ZDHHC14: variants seen among roughly 807,000 people sequenced by gnomAD.
ZDHHC14 encodes the protein zDHHC palmitoyltransferase 14.
In ZDHHC14, 16 loss-of-function variants were observed where a neutral mutation model predicts 47.7. The observed-to-expected ratio is 0.34, with a 90% CI of 0.23 to 0.51. The LOEUF (loss-of-function observed/expected upper bound fraction) is 0.51, where lower values mean the gene tolerates loss of function less well. ZDHHC14 is among the 20% of genes least tolerant of loss of function. The pLI is 0.97. For synonymous variants in ZDHHC14, 293 were observed against 278.9 expected (o/e 1.05, Z -0.50); for missense variants, 515 against 662.5 (o/e 0.78, Z 2.44).
rs541053476 is a variant in ZDHHC14 at position 157,455,611 on chromosome 6, G to A, written c.245+73345G>A. Among the ~76,000 whole-genome samples the A allele has an allele frequency of 3.3e-5, 5 of 152,300 alleles. No homozygotes were observed. The South Asian group carries it at 6.2e-4, about 19-fold the overall frequency. ...ATCCTGGAGTTACAGTGAGCTGGGGGTCCTGTTGAGGGGCTGGTTAGAGCC... is the reference window on the plus strand; with the variant it reads ...ATCCTGGAGTTACAGTGAGCTGGGGATCCTGTTGAGGGGCTGGTTAGAGCC... On this transcript the variant is annotated intron_variant, in intron 1 of 8. Transcript: ENST00000359775.
intron 8 of ZDHHC14, among the ~76,000 whole-genome samples, chr6:157,669,029 C>G (rs980539685): frequency 1.3e-5 from 2 of 152,164 alleles, no homozygotes; most frequent in African/African-American, 4.8e-5. Flanking sequence ...AGTAAAGGAG[C>G]CTGAAGCATC....
intron 5 of ZDHHC14, 38 bp from the exon 6 acceptor site, chr6:157,645,699 G>A (rs142485093): frequency 2.1e-5 from 32 of 1,559,838 alleles, no homozygotes; most frequent in Admixed American, 1.2e-4. Context: ...CTTCTTGCGC[G>A]GTCCCTCACT....
chr6:157,404,132 G>A (rs1305588176), intron 1 of ZDHHC14, among the ~76,000 whole-genome samples: 1 of 152,134 alleles, frequency 6.6e-6, no homozygotes, highest in South Asian at 2.1e-4. Context: ...ATGGAAAGTG[G>A]CTTTCTATTT....
chr6:157,512,900 G>A (rs1476050258), intron 1 of ZDHHC14, among the ~76,000 whole-genome samples: 3 of 152,058 alleles, frequency 2.0e-5, no homozygotes, highest in Non-Finnish European at 2.9e-5. Flanking sequence ...CTAACCTCAG[G>A]AAAAGCATGT....
At chr6:157,484,898 G>A (rs760383527) in intron 1 of ZDHHC14, among the ~76,000 whole-genome samples, 9 of 151,972 alleles carry the variant, frequency 5.9e-5, no homozygotes, top group East Asian at 1.9e-4. Context: ...AAATAATAGC[G>A]ACCAGCCTGG....
chr6:157,673,281 G>T lies in ZDHHC14; in HGVS notation c.*159G>T, dbSNP rs192202553. The T allele has an allele frequency of 8.4e-4, 796 of 951,300 alleles. 2 individuals are homozygous for T. The highest frequency in any genetic ancestry group is 1.0e-3 in the Middle Eastern group (3 of 3,014). The allele number at this position is 951,300 out of a possible 1,614,324, so 58.9% of individuals were successfully genotyped here. A position where few individuals can be genotyped will look rare whatever the true frequency, so the allele number is the denominator to read the frequency against. ...AGACCACTTAGGATGGCACAGGGTG[G>T]CTGGCCCCGGATGCTGAGAGCTTGG... On this transcript the variant is annotated 3_prime_UTR_variant, in exon 9 of 9. Transcript: ENST00000359775. The surrounding 1 kb of genome is among the most constrained non-coding windows in gnomAD (Gnocchi z 5.4).
chr6:157,611,394 T>C (rs1438304273), intron 3 of ZDHHC14, among the ~76,000 whole-genome samples: 2 of 152,228 alleles, frequency 1.3e-5, no homozygotes, highest in African/African-American at 4.8e-5. Context: ...TCTTTTTTAT[T>C]CTGTGCATTT....
intron 1 of ZDHHC14, among the ~76,000 whole-genome samples, chr6:157,461,492 G>C (rs888407694): frequency 6.6e-6 from 1 of 152,140 alleles, no homozygotes; most frequent in Non-Finnish European, 1.5e-5. Context: ...AGTCCGTTAC[G>C]GCCCAGCCCC....
chr6:157,611,662 C>T (rs973188636), intron 3 of ZDHHC14, among the ~76,000 whole-genome samples: 1 of 152,176 alleles, frequency 6.6e-6, no homozygotes, highest in Non-Finnish European at 1.5e-5. Flanking sequence ...TGGACTCTGG[C>T]CAAGTGCTCA....
intron 1 of ZDHHC14, among the ~76,000 whole-genome samples, chr6:157,389,295 C>A (rs1461148582): frequency 6.6e-6 from 1 of 152,202 alleles, no homozygotes. Flanking sequence ...CTCTCTTCCT[C>A]AATCTTGCGA....
At chr6:157,439,936 A>T (rs1477217773) in intron 1 of ZDHHC14, among the ~76,000 whole-genome samples, 2 of 152,078 alleles carry the variant, frequency 1.3e-5, no homozygotes, top group African/African-American at 2.4e-5. Flanking sequence ...GCATGTTCTC[A>T]CTTACATATG....
At chr6:157,637,996 G>A (rs1178270936) in intron 5 of ZDHHC14, among the ~76,000 whole-genome samples, 1 of 152,158 alleles carries the variant, frequency 6.6e-6, no homozygotes, top group Non-Finnish European at 1.5e-5. Context: ...AGAACTTTAG[G>A]AGAAAGGAAC....
intron 2 of ZDHHC14, among the ~76,000 whole-genome samples, chr6:157,560,581 A>G (rs1202526569): frequency 1.3e-5 from 2 of 152,194 alleles, no homozygotes; most frequent in African/African-American, 2.4e-5. Context: ...TTGGACTGGC[A>G]AGTAATTTTA....
At chr6:157,636,982 C>G (rs984161664) in intron 5 of ZDHHC14, among the ~76,000 whole-genome samples, 4 of 152,200 alleles carry the variant, frequency 2.6e-5, no homozygotes, top group African/African-American at 4.8e-5. Context: ...GAGAAGAGTT[C>G]CTCCTCCAGT....
chr6:157,604,551 T>C (rs1784457051), intron 3 of ZDHHC14, among the ~76,000 whole-genome samples: 1 of 129,460 alleles, frequency 7.7e-6, no homozygotes, highest in Non-Finnish European at 1.6e-5. Flanking sequence ...TATTTGTTAC[T>C]CTTTTTTTTT....
At chr6:157,455,296 T>C (rs1300489854) in intron 1 of ZDHHC14, among the ~76,000 whole-genome samples, 2 of 152,212 alleles carry the variant, frequency 1.3e-5, no homozygotes, top group South Asian at 2.1e-4. Context: ...TAGAGATGCC[T>C]TCACAAGGGC....
chr6:157,468,964 C>T (rs976542082), intron 1 of ZDHHC14, among the ~76,000 whole-genome samples: 5 of 152,210 alleles, frequency 3.3e-5, no homozygotes, highest in Non-Finnish European at 7.3e-5. Flanking sequence ...GGTCTCTATT[C>T]CCCTAGGGCC....
chr6:157,432,553 A>G (rs1157033497), intron 1 of ZDHHC14, among the ~76,000 whole-genome samples: 2 of 152,084 alleles, frequency 1.3e-5, no homozygotes, highest in African/African-American at 4.8e-5. Flanking sequence ...GGAGCAATTT[A>G]TTTTCGTTGC....
intron 2 of ZDHHC14, among the ~76,000 whole-genome samples, chr6:157,550,377 A>G (rs1300470803): frequency 3.9e-5 from 6 of 152,028 alleles, no homozygotes; most frequent in East Asian, 1.9e-4. Flanking sequence ...TCACACAGAC[A>G]TTCTAGAGAG....
Sources: allele counts gnomAD v4.1 joint callset (sites outside exome capture counted in the v4.1 genomes callset), GRCh38; gene constraint gnomAD v4.1.1; non-coding constraint Gnocchi (gnomAD v3.1); transcripts MANE v1.5; gene names NCBI Gene and HGNC (gene_info 2026-07-23, HGNC 2026-07-21).